Variants in LRRC8A observed in about 807,000 individuals in gnomAD.
LRRC8A encodes the protein leucine rich repeat containing 8 VRAC subunit A, also known as volume-regulated anion channel subunit LRRC8A.
Under a neutral mutation model 52.5 loss-of-function variants are expected in LRRC8A, and 24 were observed. The ratio of observed to expected loss-of-function variants is 0.46; its 90% CI spans 0.33 to 0.64. LRRC8A has a LOEUF of 0.64. LRRC8A is among the 30% of genes least tolerant of loss of function. LRRC8A has a pLI of 0.02. For missense variants in LRRC8A, 677 were observed against 1,094.7 expected, an observed-to-expected ratio of 0.62 and a Z score of 5.38; for synonymous variants, 492 against 494.2, an observed-to-expected ratio of 1.00 and a Z score of 0.06.
chr9:128,915,129 G>A (rs1011185311), intron 3 of LRRC8A, among the ~76,000 whole-genome samples: 1 of 152,184 alleles, frequency 6.6e-6, no homozygotes, highest in South Asian at 2.1e-4. Flanking sequence ...CAGTGAGCCT[G>A]CCACACATTA....
chr9:128,917,812 C>T lies in LRRC8A; in HGVS notation c.*1441C>T, dbSNP rs570828713. On this transcript the variant is annotated 3_prime_UTR_variant, in exon 4 of 4. Coordinates refer to ENST00000372600, the MANE Select transcript of LRRC8A (RefSeq NM_019594.4). ...CGGGTCCCCACCTTAGAAGGGTCCC[C>T]GCCTTAGATCAATCACGTGGACACT... The T allele has an allele frequency of 2.6e-5, 4 of 152,788 alleles. No individual in the cohort carries two copies. The highest frequency in any genetic ancestry group is 3.9e-4 in the East Asian group (2 of 5,186). The allele number at this position is 152,788 out of a possible 1,614,324, so 9.5% of individuals were successfully genotyped here.
chr9:128,902,210 T>C lies in LRRC8A; in HGVS notation c.-8-4947T>C, dbSNP rs1840054913. Among the ~76,000 whole-genome samples, 1 of 152,192 alleles carries C rather than the reference T, an allele frequency of 6.6e-6. No individual in the cohort carries two copies. On this transcript the variant is annotated intron_variant, in intron 2 of 3. Coordinates refer to ENST00000372600, the MANE Select transcript of LRRC8A (RefSeq NM_019594.4). This position sits in a 1 kb window ranked among gnomAD's most constrained non-coding sequence, Gnocchi z 4.1. ...AAGTCCCACCTTGATCATTTTTTTT[T>C]ACCCCCGCTGGACCTAGCCAAGGGC... is the stretch of plus-strand genomic sequence containing the variant.
At chr9:128,891,945 TA>T (rs748924516) in intron 2 of LRRC8A, among the ~76,000 whole-genome samples, 1 of 152,068 alleles carries the variant, frequency 6.6e-6, no homozygotes, top group Admixed American at 6.6e-5. Context: ...ATCACACCCA[TA>T]AAAGGACTGA....
chr9:128,916,587 G>C lies in LRRC8A; in HGVS notation c.*216G>C, dbSNP rs1840833379. ...CTGAGACTCACGTCCCCCAGGGCAAGTGCTTGTGGAGGAGAGCAAGTCTCA... is the reference window on the plus strand; with the variant it reads ...CTGAGACTCACGTCCCCCAGGGCAACTGCTTGTGGAGGAGAGCAAGTCTCA... On this transcript the variant is annotated 3_prime_UTR_variant, in exon 4 of 4. Transcript: ENST00000372600. This position sits in a 1 kb window ranked among gnomAD's most constrained non-coding sequence, Gnocchi z 6.1. The C allele has an allele frequency of 1.6e-6, 1 of 610,856 alleles. No homozygotes were observed. The highest frequency in any genetic ancestry group is 2.8e-6 in the Non-Finnish European group (1 of 356,958). The allele number at this position is 610,856 out of a possible 1,614,324, so 37.8% of individuals were successfully genotyped here. A position where few individuals can be genotyped will look rare whatever the true frequency, so the allele number is the denominator to read the frequency against.
intron 2 of LRRC8A, among the ~76,000 whole-genome samples, chr9:128,896,241 A>C (rs747495723): frequency 6.6e-6 from 1 of 152,238 alleles, no homozygotes; most frequent in South Asian, 2.1e-4. Flanking sequence ...ACATTGATAC[A>C]TGTTGCTACA....
At chr9:128,895,188 A>G (rs1191986799) in intron 2 of LRRC8A, among the ~76,000 whole-genome samples, 1 of 152,162 alleles carries the variant, frequency 6.6e-6, no homozygotes. Context: ...GGGTCACTGC[A>G]TACACATCTA....
chr9:128,912,251 A>G (rs1049207389), intron 3 of LRRC8A, among the ~76,000 whole-genome samples: 3 of 152,184 alleles, frequency 2.0e-5, no homozygotes, highest in Non-Finnish European at 4.4e-5. Context: ...GAGCACTTCT[A>G]GAATCCAGCT....
chr9:128,905,088 T>C (rs898847790), intron 2 of LRRC8A, among the ~76,000 whole-genome samples: 6 of 151,264 alleles, frequency 4.0e-5, no homozygotes, highest in African/African-American at 1.2e-4. Context: ...GGTAGGAGGA[T>C]TGCTTGACCA....
chr9:128,904,257 A>G (rs989878716), intron 2 of LRRC8A, among the ~76,000 whole-genome samples: 2 of 152,018 alleles, frequency 1.3e-5, no homozygotes, highest in Non-Finnish European at 2.9e-5. Flanking sequence ...GGTGACTCAC[A>G]CCTATAATCC....
chr9:128,896,692 C>G (rs902264792), intron 2 of LRRC8A, among the ~76,000 whole-genome samples: 2 of 152,030 alleles, frequency 1.3e-5, no homozygotes, highest in Admixed American at 6.6e-5. Context: ...TGTATTTATT[C>G]TGGATACTAA....
In LRRC8A at chr9:128,916,350, G is replaced by A. The variant is rs771981247; in HGVS notation, c.2412G>A (p.Arg804=). Residue 804 remains arginine (R), a synonymous_variant, in exon 4 of 4, where the codon AGG becomes AGA. Coordinates refer to ENST00000372600, the MANE Select transcript of LRRC8A (RefSeq NM_019594.4). This position sits in a 1 kb window ranked among gnomAD's most constrained non-coding sequence, Gnocchi z 6.1. The stretch of plus-strand genomic sequence containing the variant: ...CCGAGGTGAAGGAGCGGCTGTGGAG[G>A]GCTGACAAGGAGCAGGCCTGAGCGA... ...LPPEVKERLW[R]ADKEQA is the part of the protein sequence containing the mutation. The A allele has an allele frequency of 8.7e-6, 14 of 1,611,432 alleles. No homozygotes were observed. Among genetic ancestry groups the A allele is most frequent in the Non-Finnish European group, 1.1e-5 (13 of 1,179,800 alleles).
intron 2 of LRRC8A, among the ~76,000 whole-genome samples, chr9:128,886,536 A>C (rs909367281): frequency 6.6e-6 from 1 of 152,312 alleles, no homozygotes; most frequent in African/African-American, 2.4e-5. Flanking sequence ...TGCAGGACTT[A>C]TCAGAGTCTT....
chr9:128,887,364 A>G (rs567594480), intron 2 of LRRC8A, among the ~76,000 whole-genome samples: 5 of 152,008 alleles, frequency 3.3e-5, no homozygotes, highest in African/African-American at 1.2e-4. Flanking sequence ...GAGCCTCTCT[A>G]CATTGCCCAG....
At chr9:128,882,375 C>A in intron 1 of LRRC8A, 125 bp downstream of exon 1, 1 of 227,190 alleles carries the variant, frequency 4.4e-6, no homozygotes, top group East Asian at 8.3e-5. Flanking sequence ...CCGGGCCGGC[C>A]CCCTGGGGAC....
chr9:128,917,624 T>G lies in LRRC8A; in HGVS notation c.*1253T>G, dbSNP rs1310384162. On this transcript the variant is annotated 3_prime_UTR_variant, in exon 4 of 4. Coordinates refer to ENST00000372600, the MANE Select transcript of LRRC8A (RefSeq NM_019594.4). ...TGCTTCCATCAGCCCTGTCACCACC[T>G]GGTCCTTCATGAAGAGCAGACACTT... 1.3e-5 allele frequency: 2 copies of G among 152,844 alleles called. No individual in the cohort carries two copies. The highest frequency in any genetic ancestry group is 4.8e-5 in the African/African-American group (2 of 41,468). 9.5% of individuals were successfully genotyped at this position (152,844 alleles called of 1,614,324 possible). A position where few individuals can be genotyped will look rare whatever the true frequency, so the allele number is the denominator to read the frequency against.
intron 1 of LRRC8A, among the ~76,000 whole-genome samples, chr9:128,883,084 A>T (rs1456311175): frequency 6.6e-6 from 1 of 151,950 alleles, no homozygotes; most frequent in Non-Finnish European, 1.5e-5. Context: ...TTTGGGAAGG[A>T]GGGATGGGTC....
rs758129815 is a variant in LRRC8A at position 128,908,857 on chromosome 9, G to A, written c.1693G>A (p.Val565Met). 6.2e-7 allele frequency: 1 copy of A among 1,613,834 alleles called. No homozygotes were observed. Among genetic ancestry groups the A allele is most frequent in the South Asian group, 1.1e-5 (1 of 91,084 alleles). The change falls in exon 3 of 4, where the codon GTG (valine) becomes ATG (methionine). Residue 565 changes from valine to methionine, a missense_variant. Transcript: ENST00000372600. ...CAAGCTGCCACAGGTGGTCACAGATGTGGGCGTGCACCTGCAGAAGCTGTC... is the reference window on the plus strand; with the variant it reads ...CAAGCTGCCACAGGTGGTCACAGATATGGGCGTGCACCTGCAGAAGCTGTC... The part of the protein sequence containing the change: ...LSKLPQVVTD[V>M]GVHLQKLSIN...
chr9:128,886,270 T>C (rs1159796954), intron 2 of LRRC8A, 149 bp downstream of exon 2: 1 of 152,320 alleles, frequency 6.6e-6, no homozygotes, highest in East Asian at 1.9e-4. Flanking sequence ...ACAGCAGAAT[T>C]ACTCTCTTCC....
At chr9:128,888,485 G>A (rs1026701457) in intron 2 of LRRC8A, among the ~76,000 whole-genome samples, 2 of 152,192 alleles carry the variant, frequency 1.3e-5, no homozygotes, top group African/African-American at 4.8e-5. Flanking sequence ...TACCCTTGCT[G>A]TATCTGGAGG....
Sources: allele counts gnomAD v4.1 joint callset (sites outside exome capture counted in the v4.1 genomes callset), GRCh38; gene constraint gnomAD v4.1.1; non-coding constraint Gnocchi (gnomAD v3.1); transcripts MANE v1.5; gene names NCBI Gene and HGNC (gene_info 2026-07-23, HGNC 2026-07-21).